SPHKAP: variants seen among roughly 807,000 people sequenced by gnomAD.
The protein encoded by SPHKAP is SPHK1 interactor, AKAP domain containing, also known as A-kinase anchor protein SPHKAP.
SPHKAP carries 67 observed loss-of-function variants against 137.5 expected under a neutral mutation model. That is an observed-to-expected ratio of 0.49 (90% CI 0.40 to 0.60). The LOEUF is 0.60. Ranked by LOEUF, SPHKAP falls within the 20% of genes least tolerant of loss-of-function variation. The probability of loss-of-function intolerance (pLI) is 0.00; values close to 1 mark genes in which losing one functional copy is unlikely to be tolerated. For missense variants in SPHKAP, 2,097 were observed against 2,069.3 expected (o/e 1.01, Z -0.26); for synonymous variants, 813 against 785.3 (o/e 1.04, Z -0.59).
intron 3 of SPHKAP, among the ~76,000 whole-genome samples, chr2:228,087,734 G>T (rs1261522084): frequency 6.6e-6 from 1 of 152,086 alleles, no homozygotes; most frequent in Admixed American, 6.6e-5. Flanking sequence ...AAGAGAGATT[G>T]ACAGGGATAT....
chr2:228,152,969 A>C (rs893229449), intron 1 of SPHKAP, among the ~76,000 whole-genome samples: 1 of 151,952 alleles, frequency 6.6e-6, no homozygotes, highest in South Asian at 2.1e-4. Context: ...TTTCCCCTAT[A>C]ACTGTTCTCG....
intron 1 of SPHKAP, among the ~76,000 whole-genome samples, chr2:228,154,133 TA>T (rs1012377356): frequency 5.9e-5 from 9 of 152,104 alleles, no homozygotes; most frequent in Non-Finnish European, 1.5e-5. Flanking sequence ...TTTTCTCACA[TA>T]AATTCACTCA....
intron 3 of SPHKAP, among the ~76,000 whole-genome samples, chr2:228,036,604 T>G (rs948310529): frequency 6.6e-6 from 1 of 152,070 alleles, no homozygotes; most frequent in Admixed American, 6.5e-5. Context: ...TGCGGCACTA[T>G]TCACAATAGC....
intron 1 of SPHKAP, among the ~76,000 whole-genome samples, chr2:228,171,344 G>A (rs1432306416): frequency 6.6e-6 from 1 of 152,060 alleles, no homozygotes; most frequent in Non-Finnish European, 1.5e-5. Flanking sequence ...AGGGGACTGG[G>A]CAAGATGACC....
At chr2:228,066,939 C>T (rs570829178) in intron 3 of SPHKAP, among the ~76,000 whole-genome samples, 1 of 152,300 alleles carries the variant, frequency 6.6e-6, no homozygotes, top group South Asian at 2.1e-4. Flanking sequence ...TTAACCTTCT[C>T]TTCATTTCTT....
At chr2:228,001,546 C>CATATATATAAAAATATAT (rs1180182048) in intron 7 of SPHKAP, among the ~76,000 whole-genome samples, 10 of 141,982 alleles carry the variant, frequency 7.0e-5, no homozygotes, top group African/African-American at 2.6e-4. Context: ...TAAAAATATA[C>CATATATATAAAAATATAT]ATATATATAA....
chr2:228,131,648 G>A, intron 2 of SPHKAP: 1 of 349,456 alleles, frequency 2.9e-6, no homozygotes, highest in Non-Finnish European at 4.0e-6. Flanking sequence ...AATATAATAT[G>A]TTGAGTCATT....
intron 7 of SPHKAP, among the ~76,000 whole-genome samples, chr2:227,998,875 C>T (rs1300978299): frequency 6.6e-6 from 1 of 152,154 alleles, no homozygotes; most frequent in Non-Finnish European, 1.5e-5. Flanking sequence ...AACTCCCTGA[C>T]AAATTATCTG....
At chr2:228,129,831 C>G (rs1471382942) in intron 2 of SPHKAP, among the ~76,000 whole-genome samples, 2 of 141,722 alleles carry the variant, frequency 1.4e-5, no homozygotes, top group Non-Finnish European at 3.0e-5. Flanking sequence ...GAGTCTTACT[C>G]TGCCACCCAG....
At chr2:228,169,098 G>A (rs4574108) in intron 1 of SPHKAP, among the ~76,000 whole-genome samples, 20,471 of 152,078 alleles carry the variant, frequency 0.13, 1,380 homozygotes, top group East Asian at 0.2. Context: ...GCCAGCAGAG[G>A]TTGGTTCATG....
intron 3 of SPHKAP, among the ~76,000 whole-genome samples, chr2:228,090,807 C>T (rs939783925): frequency 1.3e-5 from 2 of 151,970 alleles, no homozygotes; most frequent in Admixed American, 6.6e-5. Flanking sequence ...TGCTGGCTTC[C>T]TCTTTGCCTT....
chr2:228,081,876 A>T (rs943453563), intron 3 of SPHKAP, among the ~76,000 whole-genome samples: 1 of 152,188 alleles, frequency 6.6e-6, no homozygotes, highest in Admixed American at 6.5e-5. Context: ...TCTATTGTAG[A>T]AGATGATGAC....
chr2:228,168,216 A>G (rs932397406), intron 1 of SPHKAP, among the ~76,000 whole-genome samples: 1 of 152,168 alleles, frequency 6.6e-6, no homozygotes, highest in South Asian at 2.1e-4. Context: ...ACTTGCCACA[A>G]GAAAATTATT....
intron 3 of SPHKAP, among the ~76,000 whole-genome samples, chr2:228,028,524 C>T (rs942289983): frequency 1.3e-5 from 2 of 152,182 alleles, no homozygotes; most frequent in African/African-American, 4.8e-5. Flanking sequence ...AAGAACTGAT[C>T]ACATATACAA....
chr2:227,995,811 G>A lies in SPHKAP; in HGVS notation c.4449-117C>T, dbSNP rs147471671. 591 of 1,327,520 alleles carry A rather than the reference G, an allele frequency of 4.5e-4. 9 individuals are homozygous for A. In the East Asian group the frequency reaches 0.014, roughly 32 times the overall value. The allele number at this position is 1,327,520 out of a possible 1,614,324, so 82.2% of individuals were successfully genotyped here. ...CAGGATGTCACTGGACACAGGCAGA[G>A]TCTCCCTGGGCTGATCCTTCTGCTG... On this transcript the variant is annotated intron_variant, in intron 7 of 11. Coordinates refer to ENST00000392056, the MANE Select transcript of SPHKAP (RefSeq NM_001142644.2).
In SPHKAP at chr2:228,114,282, C is replaced by T. The variant is rs558145039; in HGVS notation, c.139-5343G>A. Among the ~76,000 whole-genome samples the T allele has an allele frequency of 5.3e-5, 8 of 152,198 alleles. No homozygotes were observed. In the East Asian group the frequency reaches 7.7e-4, roughly 15 times the overall value. On this transcript the variant is annotated intron_variant, in intron 2 of 11. Transcript: ENST00000392056. Reference sequence around the variant, plus strand: ...ATCCTTTTGCTCTACATTACAGTTACGTTTCTTTTTATATAGAGAACCAAG... The same window carrying T: ...ATCCTTTTGCTCTACATTACAGTTATGTTTCTTTTTATATAGAGAACCAAG...
At chr2:228,014,797 G>T (rs1296085168) in intron 7 of SPHKAP, among the ~76,000 whole-genome samples, 3 of 152,100 alleles carry the variant, frequency 2.0e-5, no homozygotes, top group African/African-American at 7.2e-5. Context: ...CAACTTGTTG[G>T]CTGCCACTCT....
chr2:228,050,249 T>C (rs1696209041), intron 3 of SPHKAP, among the ~76,000 whole-genome samples: 1 of 152,156 alleles, frequency 6.6e-6, no homozygotes, highest in Non-Finnish European at 1.5e-5. Context: ...AAAAATACAT[T>C]AATTCAGCCA....
chr2:227,981,993 C>T (rs765809323), intron 11 of SPHKAP, 133 bp from the exon 12 acceptor site: 103 of 1,312,116 alleles, frequency 7.8e-5, no homozygotes, highest in African/African-American at 4.1e-4. Flanking sequence ...GACTGTTTTC[C>T]GGGATAATCT....
Sources: gnomAD v4.1 joint callset for allele counts (sites outside exome capture counted in the v4.1 genomes callset) on GRCh38, gnomAD v4.1.1 for gene constraint, MANE v1.5 for transcripts, NCBI Gene and HGNC (gene_info 2026-07-23, HGNC 2026-07-21) for gene names.